The following PTPRG variants were observed in gnomAD, a reference collection of about 807,000 sequenced individuals.
The protein encoded by PTPRG is protein tyrosine phosphatase receptor type G.
PTPRG carries 102 observed loss-of-function variants against 165.3 expected under a neutral mutation model. The observed-to-expected ratio is 0.62, with a 90% CI of 0.53 to 0.73. PTPRG has a LOEUF of 0.73. PTPRG is among the 30% of genes least tolerant of loss of function. PTPRG has a pLI of 0.00. For missense variants in PTPRG, 1,866 were observed against 1,861.4 expected (o/e 1.00, Z -0.05); for synonymous variants, 675 against 669.5 (o/e 1.01, Z -0.13).
intron 26 of PTPRG, 25 bp from the exon 27 acceptor site, chr3:62,281,538 C>CTTTTTTTTTTTTGTTTTTTTTTTTTTTTT (rs1702443549): frequency 2.0e-6 from 1 of 497,854 alleles, no homozygotes; most frequent in Non-Finnish European, 2.6e-6. Flanking sequence ...ACTGCAGAGG[C>CTTTTTTTTTTTTGTTTTTTTTTTTTTTTT]TTTTTTTTTT....
chr3:61,707,802 T>G (rs1269250716), intron 1 of PTPRG, among the ~76,000 whole-genome samples: 2 of 152,218 alleles, frequency 1.3e-5, no homozygotes, highest in Non-Finnish European at 2.9e-5. Flanking sequence ...TTTATTATTA[T>G]TTTTGAGACA....
intron 15 of PTPRG, among the ~76,000 whole-genome samples, chr3:62,253,258 A>G (rs558438873): frequency 6.6e-6 from 1 of 152,228 alleles, no homozygotes; most frequent in Admixed American, 6.5e-5. Flanking sequence ...TAATCACGGC[A>G]CTGTAAGTTC....
At chr3:61,987,830 C>T (rs142289728) in intron 2 of PTPRG, among the ~76,000 whole-genome samples, 8 of 152,200 alleles carry the variant, frequency 5.3e-5, no homozygotes, top group East Asian at 3.9e-4. Context: ...CCATTCCTTA[C>T]GTCTCGTTCG....
At chr3:61,891,941 T>G (rs2038225604) in intron 2 of PTPRG, among the ~76,000 whole-genome samples, 1 of 152,160 alleles carries the variant, frequency 6.6e-6, no homozygotes, top group Admixed American at 6.5e-5. Context: ...CAAACTGATA[T>G]GCATTTTCAG....
At chr3:61,910,554 G>GTTCCT (rs1163587022) in intron 2 of PTPRG, among the ~76,000 whole-genome samples, 1 of 152,106 alleles carries the variant, frequency 6.6e-6, no homozygotes, top group African/African-American at 2.4e-5. Context: ...ATTTGTTCCT[G>GTTCCT]TTCCTTTCCT....
intron 1 of PTPRG, among the ~76,000 whole-genome samples, chr3:61,658,635 T>C (rs1000573399): frequency 2.0e-5 from 3 of 152,196 alleles, no homozygotes; most frequent in African/African-American, 7.2e-5. Flanking sequence ...TGTATGCTTG[T>C]TTTGTTGTTT....
chr3:61,731,582 C>T (rs1016217113), intron 1 of PTPRG, among the ~76,000 whole-genome samples: 6 of 151,976 alleles, frequency 3.9e-5, no homozygotes, highest in Admixed American at 3.9e-4. Flanking sequence ...CTCCTGACCT[C>T]GTGATCTGCC....
At chr3:61,981,024 T>G (rs912706964) in intron 2 of PTPRG, among the ~76,000 whole-genome samples, 7 of 152,138 alleles carry the variant, frequency 4.6e-5, no homozygotes, top group Admixed American at 6.5e-5. Context: ...ACTGGGTAAT[T>G]TATAAAGAAA....
intron 2 of PTPRG, among the ~76,000 whole-genome samples, chr3:61,775,128 C>T (rs150924215): frequency 9.9e-4 from 150 of 152,116 alleles, no homozygotes; most frequent in African/African-American, 3.3e-3. Flanking sequence ...TGGAGTGCAG[C>T]GGCACAATCT....
intron 4 of PTPRG, among the ~76,000 whole-genome samples, chr3:62,052,188 T>TA (rs776383007): frequency 3.9e-5 from 6 of 152,246 alleles, no homozygotes; most frequent in Non-Finnish European, 8.8e-5. Flanking sequence ...TTCCAAATGT[T>TA]AAAGATTAGC....
intron 1 of PTPRG, among the ~76,000 whole-genome samples, chr3:61,584,519 A>G (rs1047628103): frequency 1.8e-4 from 27 of 152,138 alleles, no homozygotes; most frequent in African/African-American, 5.8e-4. Flanking sequence ...ATTTGTTTAT[A>G]ACTATGAAGA....
chr3:61,963,568 A>G (rs931982270), intron 2 of PTPRG, among the ~76,000 whole-genome samples: 1 of 152,216 alleles, frequency 6.6e-6, no homozygotes, highest in Non-Finnish European at 1.5e-5. Flanking sequence ...CAAGATACCA[A>G]TGAAATACAT....
At chr3:61,584,745 G>C (rs1700392189) in intron 1 of PTPRG, among the ~76,000 whole-genome samples, 1 of 152,034 alleles carries the variant, frequency 6.6e-6, no homozygotes, top group African/African-American at 2.4e-5. Context: ...TAGGTCCTTA[G>C]TAATCACAGC....
intron 2 of PTPRG, among the ~76,000 whole-genome samples, chr3:61,904,491 C>T (rs1024672846): frequency 5.3e-5 from 8 of 152,044 alleles, no homozygotes; most frequent in East Asian, 1.9e-4. Context: ...TTGAGAGTGA[C>T]GGTGGTACAG....
intron 1 of PTPRG, among the ~76,000 whole-genome samples, chr3:61,584,636 G>A (rs999813354): frequency 1.1e-4 from 17 of 149,210 alleles, no homozygotes; most frequent in Non-Finnish European, 1.3e-4. Flanking sequence ...TTCATTGTAC[G>A]AGTTTGCTTA....
chr3:62,036,860 C>T (rs113390320), intron 4 of PTPRG, among the ~76,000 whole-genome samples: 3 of 152,186 alleles, frequency 2.0e-5, no homozygotes, highest in African/African-American at 7.2e-5. Context: ...CCAGGGCACA[C>T]TCCATTCCTC....
chr3:62,267,906 C>G (rs1174337454), intron 19 of PTPRG, 87 bp downstream of exon 19: 25 of 1,460,954 alleles, frequency 1.7e-5, no homozygotes, highest in Non-Finnish European at 2.0e-5. Context: ...AGGAACTTGA[C>G]AAGGTATAAA....
At chr3:61,995,665 CGCCT>C (rs1332373999) in intron 3 of PTPRG, among the ~76,000 whole-genome samples, 11 of 145,502 alleles carry the variant, frequency 7.6e-5, no homozygotes, top group African/African-American at 1.8e-4. Context: ...CTAGGCTTTC[CGCCT>C]GCCTGCCCGC....
intron 6 of PTPRG, among the ~76,000 whole-genome samples, chr3:62,153,735 T>C (rs762866661): frequency 2.8e-4 from 42 of 152,310 alleles, no homozygotes; most frequent in Admixed American, 4.6e-4. Flanking sequence ...TATTGACTTA[T>C]TTATAATCTT....
Sources: gnomAD v4.1 joint callset for allele counts (sites outside exome capture counted in the v4.1 genomes callset) on GRCh38, gnomAD v4.1.1 for gene constraint, MANE v1.5 for transcripts, NCBI Gene and HGNC (gene_info 2026-07-23, HGNC 2026-07-21) for gene names.